Variants in RABL3 observed in about 807,000 individuals in gnomAD.
RABL3 encodes RAB, member of RAS oncogene family like 3, also known as rab-like protein 3.
Under a neutral mutation model 31.8 loss-of-function variants are expected in RABL3, and 31 were observed. The ratio of observed to expected loss-of-function variants is 0.97; its 90% CI spans 0.73 to 1.31. RABL3 has a LOEUF of 1.31. Among genes scored for constraint, RABL3 ranks in the 40% most tolerant of loss-of-function variants. The pLI is 0.00. For synonymous variants in RABL3, 97 were observed against 99.9 expected, an observed-to-expected ratio of 0.97 and a Z score of 0.18; for missense variants, 263 against 279.6, an observed-to-expected ratio of 0.94 and a Z score of 0.42.
intron 2 of RABL3, among the ~76,000 whole-genome samples, chr3:120,724,788 C>T (rs1198465560): frequency 6.6e-6 from 1 of 151,996 alleles, no homozygotes; most frequent in African/African-American, 2.4e-5. Context: ...ACACCTTATA[C>T]AAAAATTAAT....
intron 1 of RABL3, among the ~76,000 whole-genome samples, chr3:120,739,274 G>A (rs953834236): frequency 6.6e-6 from 1 of 152,138 alleles, no homozygotes; most frequent in African/African-American, 2.4e-5. Flanking sequence ...CTACTTGGGA[G>A]GCTGAGGCAA....
At chr3:120,695,569 G>T (rs187053751) in intron 5 of RABL3, among the ~76,000 whole-genome samples, 1 of 152,106 alleles carries the variant, frequency 6.6e-6, no homozygotes, top group Non-Finnish European at 1.5e-5. Flanking sequence ...GAAAATGCTA[G>T]CAGATTGAAT....
At chr3:120,695,875 T>C (rs1708430536) in intron 5 of RABL3, among the ~76,000 whole-genome samples, 1 of 152,122 alleles carries the variant, frequency 6.6e-6, no homozygotes, top group Non-Finnish European at 1.5e-5. Context: ...CCCCAAAACC[T>C]TAATTCTATG....
intron 1 of RABL3, among the ~76,000 whole-genome samples, chr3:120,739,171 G>A (rs1291461281): frequency 1.3e-5 from 2 of 152,196 alleles, no homozygotes; most frequent in Non-Finnish European, 2.9e-5. Context: ...GAGGTCAGGA[G>A]TTCGAGACCA....
intron 2 of RABL3, among the ~76,000 whole-genome samples, chr3:120,721,484 T>C (rs1708740652): frequency 6.6e-6 from 1 of 151,656 alleles, no homozygotes; most frequent in Non-Finnish European, 1.5e-5. Flanking sequence ...TGGAAGAACA[T>C]CTACTGAGCA....
chr3:120,728,919 T>G lies in RABL3; in HGVS notation c.138+1777A>C, dbSNP rs187795368. Among the ~76,000 whole-genome samples, 519 of 152,264 alleles carry G rather than the reference T, an allele frequency of 3.4e-3. 2 individuals carry two copies. The highest frequency in any genetic ancestry group is 5.4e-3 in the Non-Finnish European group (368 of 68,010). ...TAAAATCAGAGTGAGAAGTGGGAACTGACATAGATTCAGATATAGCTTCAG... is the reference window on the plus strand; with the variant it reads ...TAAAATCAGAGTGAGAAGTGGGAACGGACATAGATTCAGATATAGCTTCAG... On this transcript the variant is annotated intron_variant, in intron 2 of 7. Transcript: ENST00000273375.
At chr3:120,719,933 C>A (rs1436362380) in intron 2 of RABL3, among the ~76,000 whole-genome samples, 1 of 152,208 alleles carries the variant, frequency 6.6e-6, no homozygotes, top group Non-Finnish European at 1.5e-5. Context: ...AGAGACACCC[C>A]CCAGTAGGGG....
Position 120,689,896 on chromosome 3 carries a change from C to G in RABL3, c.646-8G>C, listed in dbSNP as rs200208680. On this transcript the variant is annotated splice_region_variant and splice_polypyrimidine_tract_variant and intron_variant, in intron 7 of 7. Coordinates refer to ENST00000273375, the MANE Select transcript of RABL3 (RefSeq NM_173825.5). ...ATCAGGAAAGCCTGGAATCTGTAGG[C>G]AAGAAAGATAATTGCATTAAGTCTC... 1.7e-3 allele frequency: 2,769 copies of G among 1,609,376 alleles called. 35 individuals are homozygous for G. The highest frequency in any genetic ancestry group is 7.1e-4 in the Non-Finnish European group (831 of 1,176,120).
intron 1 of RABL3, 38 bp downstream of exon 1, chr3:120,742,424 A>C: frequency 6.2e-7 from 1 of 1,605,962 alleles, no homozygotes; most frequent in Non-Finnish European, 8.5e-7. Context: ...GGTAACTCAA[A>C]AGTGTCTGGA....
chr3:120,730,604 G>C lies in RABL3; in HGVS notation c.138+92C>G, dbSNP rs1032204153. ...GTAATAAATCCCAGCTATTACTATTGATCTTGACCATAGTACTGTAATTTG... is the reference window on the plus strand; with the variant it reads ...GTAATAAATCCCAGCTATTACTATTCATCTTGACCATAGTACTGTAATTTG... On this transcript the variant is annotated intron_variant, in intron 2 of 7. Transcript: ENST00000273375. 4.8e-5 allele frequency: 41 copies of C among 857,444 alleles called. No homozygotes were observed. The East Asian group carries it at 4.8e-4, about 10-fold the overall frequency. The allele number at this position is 857,444 out of a possible 1,614,324, so 53.1% of individuals were successfully genotyped here. A position where few individuals can be genotyped will look rare whatever the true frequency, so the allele number is the denominator to read the frequency against.
At chr3:120,741,262 T>C (rs1325378441) in intron 1 of RABL3, among the ~76,000 whole-genome samples, 1 of 152,234 alleles carries the variant, frequency 6.6e-6, no homozygotes, top group Non-Finnish European at 1.5e-5. Flanking sequence ...GAAGTCGACA[T>C]AAATTGTGAT....
intron 2 of RABL3, among the ~76,000 whole-genome samples, chr3:120,724,061 G>A (rs942768257): frequency 6.6e-6 from 1 of 152,172 alleles, no homozygotes; most frequent in African/African-American, 2.4e-5. Flanking sequence ...CATCGTCTCA[G>A]CCCAAAATCT....
intron 6 of RABL3, among the ~76,000 whole-genome samples, chr3:120,692,348 G>A (rs1042216381): frequency 1.4e-4 from 21 of 151,970 alleles, no homozygotes; most frequent in Non-Finnish European, 2.6e-4. Flanking sequence ...ACAGGCGCCC[G>A]CCACCACACT....
At position 120,689,870 on chromosome 3, in the gene RABL3, G is replaced by T. The variant is rs1388588884; in HGVS notation, c.664C>A (p.Arg222=). ...AATGTTCCTGCCCCAAATCTTTTCC[G>T]ATCAGGAAAGCCTGGAATCTGTAGG... is the stretch of plus-strand genomic sequence containing the variant. The part of the protein sequence containing the change: ...EGNQIPGFPD[R]KRFGAGTLKS... Residue 222 remains arginine, a synonymous_variant, in exon 8 of 8, where the codon CGG becomes AGG. Transcript: ENST00000273375. 6.2e-7 allele frequency: 1 copy of T among 1,612,486 alleles called. No individual in the cohort carries two copies. Among genetic ancestry groups the T allele is most frequent in the East Asian group, 2.2e-5 (1 of 44,842 alleles).
chr3:120,689,511 AAG>A lies in RABL3; in HGVS notation c.*310_*311del. The A allele has an allele frequency of 4.6e-6, 1 of 217,462 alleles. No individual in the cohort carries two copies. Among genetic ancestry groups the A allele is most frequent in the Non-Finnish European group, 9.0e-6 (1 of 110,630 alleles). 13.5% of individuals were successfully genotyped at this position (217,462 alleles called of 1,614,324 possible). Reference sequence around the variant, plus strand: ...CCATAAAAACCCTCCAGTTCTAGGCAAGAGTAAATTTTCTCTGCAGTACACTG... The same window carrying A: ...CCATAAAAACCCTCCAGTTCTAGGCAAGTAAATTTTCTCTGCAGTACACTG... On this transcript the variant is annotated 3_prime_UTR_variant, in exon 8 of 8. Transcript: ENST00000273375.
intron 2 of RABL3, among the ~76,000 whole-genome samples, chr3:120,712,199 C>T (rs1260702017): frequency 2.0e-5 from 3 of 152,012 alleles, no homozygotes; most frequent in Non-Finnish European, 2.9e-5. Flanking sequence ...TATAAACAGC[C>T]ACATTGACAT....
At chr3:120,734,155 A>G (rs961021270) in intron 1 of RABL3, among the ~76,000 whole-genome samples, 12 of 152,268 alleles carry the variant, frequency 7.9e-5, no homozygotes, top group African/African-American at 2.9e-4. Context: ...CATTTTCATG[A>G]TATTGATTCT....
chr3:120,716,320 C>A (rs1184057833), intron 2 of RABL3, among the ~76,000 whole-genome samples: 2 of 152,300 alleles, frequency 1.3e-5, no homozygotes, highest in Non-Finnish European at 2.9e-5. Context: ...AAGAATACCA[C>A]AAAATTAAAC....
intron 1 of RABL3, among the ~76,000 whole-genome samples, chr3:120,733,283 T>A (rs959097117): frequency 2.0e-5 from 3 of 152,210 alleles, no homozygotes; most frequent in African/African-American, 7.2e-5. Flanking sequence ...TACCTCATTG[T>A]GGTTTTGATT....
Sources: allele counts gnomAD v4.1 joint callset (sites outside exome capture counted in the v4.1 genomes callset), GRCh38; gene constraint gnomAD v4.1.1; transcripts MANE v1.5; gene names NCBI Gene and HGNC (gene_info 2026-07-23, HGNC 2026-07-21).